RELN: variants seen among roughly 807,000 people sequenced by gnomAD.
RELN encodes the protein reelin.
A neutral mutation model predicts 427.6 loss-of-function variants in RELN; 108 were observed. The ratio of observed to expected loss-of-function variants is 0.25; its 90% CI spans 0.22 to 0.30. RELN has a LOEUF of 0.30. Among genes scored for constraint, RELN ranks in the 10% least tolerant of loss-of-function variants. The pLI is 1.00. For missense variants in RELN, 3,715 were observed against 4,302.8 expected (o/e 0.86, Z 3.82); for synonymous variants, 1,524 against 1,513.4 (o/e 1.01, Z -0.16).
chr7:103,928,735 T>C (rs2116702380), intron 1 of RELN, among the ~76,000 whole-genome samples: 1 of 152,332 alleles, frequency 6.6e-6, no homozygotes, highest in South Asian at 2.1e-4. Context: ...GGAGACTTCA[T>C]GTATGCCAGA....
chr7:103,505,592 A>G (rs2117046602), intron 51 of RELN, among the ~76,000 whole-genome samples: 1 of 152,366 alleles, frequency 6.6e-6, no homozygotes, highest in South Asian at 2.1e-4. Context: ...CCAAAGGTAG[A>G]TAAATCCACG....
chr7:103,603,219 C>CACT lies in RELN; in HGVS notation c.3333+82_3333+84dup. The CACT allele has an allele frequency of 8.9e-7, 1 of 1,119,470 alleles. No homozygotes were observed. The highest frequency in any genetic ancestry group is 1.5e-5 in the African/African-American group (1 of 65,392). 69.3% of individuals were successfully genotyped at this position (1,119,470 alleles called of 1,614,324 possible). ...CGGGGAACGTGGGGAACAATAGAACCACTTCATATTTGTACATTTGGAATT... is the reference window on the plus strand; with the variant it reads ...CGGGGAACGTGGGGAACAATAGAACCACTACTTCATATTTGTACATTTGGAATT... On this transcript the variant is annotated intron_variant, in intron 24 of 64. Coordinates refer to ENST00000428762, the MANE Select transcript of RELN (RefSeq NM_005045.4). This position sits in a 1 kb window ranked among gnomAD's most constrained non-coding sequence, Gnocchi z 4.3.
At chr7:103,656,990 T>C (rs1833035694) in intron 12 of RELN, among the ~76,000 whole-genome samples, 1 of 152,110 alleles carries the variant, frequency 6.6e-6, no homozygotes, top group Non-Finnish European at 1.5e-5. Flanking sequence ...CTGTTTGACT[T>C]CAAACCTTTA....
intron 3 of RELN, among the ~76,000 whole-genome samples, chr7:103,782,633 T>C (rs1395509491): frequency 6.6e-6 from 1 of 152,188 alleles, no homozygotes; most frequent in African/African-American, 2.4e-5. Flanking sequence ...TTTATATTTT[T>C]GACTTATATT....
intron 12 of RELN, among the ~76,000 whole-genome samples, chr7:103,658,775 G>A (rs1833075579): frequency 6.6e-6 from 1 of 151,824 alleles, no homozygotes; most frequent in Non-Finnish European, 1.5e-5. Context: ...CAAAGTCACT[G>A]GTGGCCTCTC....
chr7:103,926,621 T>C (rs1405845078), intron 1 of RELN, among the ~76,000 whole-genome samples: 1 of 144,122 alleles, frequency 6.9e-6, no homozygotes, highest in Non-Finnish European at 1.5e-5. Context: ...CTCTAAAGTA[T>C]CATAAGTTTT....
intron 10 of RELN, among the ~76,000 whole-genome samples, chr7:103,685,524 A>G (rs968316847): frequency 6.6e-6 from 1 of 152,132 alleles, no homozygotes; most frequent in African/African-American, 2.4e-5. Flanking sequence ...CAAGCTACTA[A>G]GCATTTATTT....
At chr7:103,781,251 T>G (rs1791881507) in intron 3 of RELN, among the ~76,000 whole-genome samples, 1 of 152,136 alleles carries the variant, frequency 6.6e-6, no homozygotes. Flanking sequence ...CAAGCCTATT[T>G]GAATGTATTT....
At chr7:103,538,379 T>G (rs1830103512) in intron 45 of RELN, among the ~76,000 whole-genome samples, 1 of 152,148 alleles carries the variant, frequency 6.6e-6, no homozygotes, top group Admixed American at 6.5e-5. Flanking sequence ...GACAGGTCTG[T>G]AAGTTCAGGT....
intron 4 of RELN, among the ~76,000 whole-genome samples, chr7:103,766,407 A>G (rs546929191): frequency 1.8e-4 from 27 of 152,344 alleles, no homozygotes; most frequent in Admixed American, 1.5e-3. Context: ...GAGAGAAACA[A>G]GTCTGAATTA....
At position 103,971,130 on chromosome 7, in the gene RELN, C is replaced by T. The variant is rs753869252; in HGVS notation, c.226+18001G>A. Among the ~76,000 whole-genome samples, 20 of 136,428 alleles carry T rather than the reference C, an allele frequency of 1.5e-4. 1 individual carries two copies. The highest frequency in any genetic ancestry group is 4.1e-4 in the East Asian group (2 of 4,826). 89.5% of individuals were successfully genotyped at this position (136,428 alleles called of 152,430 possible). On this transcript the variant is annotated intron_variant, in intron 1 of 64. Transcript: ENST00000428762. ...CCGTGCCACTGCACTCGAGCCTGGG[C>T]GACAAGAGTGAGACTCTATCTCAAA...
In RELN at chr7:103,557,840, A is replaced by T. The variant is rs1830558692; in HGVS notation, c.5614+125T>A. The stretch of plus-strand genomic sequence containing the variant: ...GAAAAACATTTGCAAACATTTATGT[A>T]TACTAATTTATGTTAGCCCTTCCAT... On this transcript the variant is annotated intron_variant, in intron 37 of 64. Coordinates refer to ENST00000428762, the MANE Select transcript of RELN (RefSeq NM_005045.4). 1.4e-5 allele frequency: 9 copies of T among 639,084 alleles called. No individual in the cohort carries two copies. The South Asian group carries it at 1.6e-4, about 11-fold the overall frequency. The allele number at this position is 639,084 out of a possible 1,614,324, so 39.6% of individuals were successfully genotyped here.
At chr7:103,788,431 T>C (rs1156375000) in intron 3 of RELN, among the ~76,000 whole-genome samples, 1 of 152,186 alleles carries the variant, frequency 6.6e-6, no homozygotes, top group Non-Finnish European at 1.5e-5. Flanking sequence ...ATTGTATATT[T>C]AGAAAACCCC....
At chr7:103,708,595 C>G (rs1789704068) in intron 8 of RELN, among the ~76,000 whole-genome samples, 1 of 151,582 alleles carries the variant, frequency 6.6e-6, no homozygotes, top group South Asian at 2.1e-4. Context: ...TCCCAAGTAG[C>G]TGGGACTACA....
intron 27 of RELN, among the ~76,000 whole-genome samples, chr7:103,591,351 G>A (rs988284847): frequency 5.3e-5 from 8 of 152,188 alleles, no homozygotes; most frequent in African/African-American, 1.2e-4. Flanking sequence ...ATAATATTGA[G>A]CCATAGCTCA....
intron 64 of RELN, among the ~76,000 whole-genome samples, chr7:103,477,802 C>A (rs1434772407): frequency 1.3e-5 from 2 of 152,070 alleles, no homozygotes; most frequent in Admixed American, 1.3e-4. Context: ...TCTCAGAGGA[C>A]AAATACAAGA....
chr7:103,496,460 T>C (rs568983354), intron 56 of RELN, 66 bp downstream of exon 56: 4 of 1,603,342 alleles, frequency 2.5e-6, no homozygotes, highest in South Asian at 1.1e-5. Context: ...TGTGCTAATC[T>C]ATCTGAAGAC....
chr7:103,637,553 G>T (rs112813149), intron 17 of RELN, among the ~76,000 whole-genome samples: 7 of 152,250 alleles, frequency 4.6e-5, no homozygotes, highest in African/African-American at 1.7e-4. Flanking sequence ...AGGTCCATAG[G>T]TTTTATCAGA....
At chr7:103,940,462 C>T (rs771972356) in intron 1 of RELN, among the ~76,000 whole-genome samples, 3 of 152,162 alleles carry the variant, frequency 2.0e-5, no homozygotes, top group Admixed American at 6.5e-5. Context: ...TTGTCAAGAA[C>T]GTGGTTACTG....
Sources: allele counts gnomAD v4.1 joint callset (sites outside exome capture counted in the v4.1 genomes callset), GRCh38; gene constraint gnomAD v4.1.1; non-coding constraint Gnocchi (gnomAD v3.1); transcripts MANE v1.5; gene names NCBI Gene and HGNC (gene_info 2026-07-23, HGNC 2026-07-21).